XKR4: variants seen among roughly 807,000 people sequenced by gnomAD.
XKR4 encodes the protein XK-related protein 4.
A neutral mutation model predicts 53.9 loss-of-function variants in XKR4; 12 were observed. The observed-to-expected ratio is 0.22, with a 90% confidence interval of 0.14 to 0.36. The LOEUF is 0.36. XKR4 is among the 10% of genes least tolerant of loss of function. The pLI, the probability that XKR4 is intolerant of heterozygous loss-of-function variation, is 1.00. For synonymous variants in XKR4, 354 were observed against 362.4 expected (o/e 0.98, Z 0.26); for missense variants, 799 against 859.5 (o/e 0.93, Z 0.88).
chr8:55,111,338 A>G (rs1243040492), intron 1 of XKR4, among the ~76,000 whole-genome samples: 3 of 152,122 alleles, frequency 2.0e-5, no homozygotes, highest in Non-Finnish European at 4.4e-5. Context: ...TAAAGTTCTG[A>G]TTCTGCTCTT....
chr8:55,112,012 G>A (rs1377385696), intron 1 of XKR4, among the ~76,000 whole-genome samples: 1 of 152,170 alleles, frequency 6.6e-6, no homozygotes, highest in Non-Finnish European at 1.5e-5. Flanking sequence ...AGCCTTCCCT[G>A]AGAACTCCCT....
intron 2 of XKR4, among the ~76,000 whole-genome samples, chr8:55,373,357 G>A (rs1183631249): frequency 1.3e-5 from 2 of 152,056 alleles, no homozygotes; most frequent in African/African-American, 2.4e-5. Context: ...AGTAGAGATG[G>A]GGTTTCACCA....
Position 55,345,705 on chromosome 8 carries a change from G to T in XKR4, c.807-11973G>T, listed in dbSNP as rs917170285. Among the ~76,000 whole-genome samples the T allele has an allele frequency of 4.5e-4, 68 of 152,312 alleles. 1 individual carries two copies. Among genetic ancestry groups the T allele is most frequent in the African/African-American group, 1.6e-3 (65 of 41,570 alleles). On this transcript the variant is annotated intron_variant, in intron 1 of 2. Transcript: ENST00000327381. ...ATGTTCGTAACATCAGCATGAGCGG[G>T]ACATTACATGCACACTCATTGCTTT...
chr8:55,338,106 T>G (rs1012240156), intron 1 of XKR4, among the ~76,000 whole-genome samples: 13 of 152,204 alleles, frequency 8.5e-5, no homozygotes, highest in Non-Finnish European at 4.4e-5. Flanking sequence ...TCAGGCATTG[T>G]GAAAAGGGAA....
chr8:55,399,281 A>G (rs1804564141), intron 2 of XKR4, among the ~76,000 whole-genome samples: 1 of 152,196 alleles, frequency 6.6e-6, no homozygotes, highest in Non-Finnish European at 1.5e-5. Flanking sequence ...TGTACAGAAG[A>G]TGAATGTCTG....
intron 1 of XKR4, among the ~76,000 whole-genome samples, chr8:55,182,340 G>A (rs1167165667): frequency 2.0e-5 from 3 of 151,670 alleles, no homozygotes; most frequent in Non-Finnish European, 4.4e-5. Context: ...TTACACTTTG[G>A]TGCATTTCTT....
chr8:55,230,256 A>G (rs1476556577), intron 1 of XKR4, among the ~76,000 whole-genome samples: 1 of 152,216 alleles, frequency 6.6e-6, no homozygotes, highest in East Asian at 1.9e-4. Flanking sequence ...TAGAAAAAAA[A>G]TCAAAACTAG....
At chr8:55,376,713 T>C (rs1193694164) in intron 2 of XKR4, among the ~76,000 whole-genome samples, 2 of 152,176 alleles carry the variant, frequency 1.3e-5, no homozygotes, top group African/African-American at 4.8e-5. Context: ...GTATCATATG[T>C]GTGGAGATAT....
chr8:55,236,197 G>A (rs950134109), intron 1 of XKR4, among the ~76,000 whole-genome samples: 2 of 152,182 alleles, frequency 1.3e-5, no homozygotes, highest in Admixed American at 1.3e-4. Flanking sequence ...GGGAGCCAAA[G>A]AAGCCCAGAT....
chr8:55,318,989 C>T (rs1308576183), intron 1 of XKR4, among the ~76,000 whole-genome samples: 2 of 152,164 alleles, frequency 1.3e-5, no homozygotes, highest in Non-Finnish European at 2.9e-5. Flanking sequence ...TACCTATTGT[C>T]AAAGCAAAAG....
Position 55,535,789 on chromosome 8 carries a change from G to A in XKR4, c.*11562G>A, listed in dbSNP as rs1563376029. 1.3e-5 allele frequency: 2 copies of A among 152,210 alleles called. No homozygotes were observed. Among genetic ancestry groups the A allele is most frequent in the Admixed American group, 6.5e-5 (1 of 15,282 alleles). 9.4% of individuals were successfully genotyped at this position (152,210 alleles called of 1,614,324 possible). Reference sequence around the variant, plus strand: ...CAACAGACATGTCCACTTTGGAAAGGCTAGGGCCTGACGAAAGTGGGAAAA... The same window carrying A: ...CAACAGACATGTCCACTTTGGAAAGACTAGGGCCTGACGAAAGTGGGAAAA... On this transcript the variant is annotated 3_prime_UTR_variant, in exon 3 of 3. Transcript: ENST00000327381.
chr8:55,284,121 G>C (rs1037000405), intron 1 of XKR4, among the ~76,000 whole-genome samples: 1 of 152,090 alleles, frequency 6.6e-6, no homozygotes, highest in African/African-American at 2.4e-5. Flanking sequence ...AGACACAGAG[G>C]CTTGATTTAT....
intron 1 of XKR4, among the ~76,000 whole-genome samples, chr8:55,141,222 C>T (rs1355313300): frequency 3.3e-5 from 5 of 152,188 alleles, no homozygotes; most frequent in Admixed American, 2.6e-4. Flanking sequence ...GCACTGGGAC[C>T]GCCCTGCCTA....
chr8:55,119,286 A>C (rs1816357779), intron 1 of XKR4, among the ~76,000 whole-genome samples: 1 of 152,144 alleles, frequency 6.6e-6, no homozygotes, highest in Non-Finnish European at 1.5e-5. Context: ...AGTCCCTCCC[A>C]GAAGAGACTC....
chr8:55,171,860 C>G (rs1424877181), intron 1 of XKR4, among the ~76,000 whole-genome samples: 2 of 152,156 alleles, frequency 1.3e-5, no homozygotes, highest in African/African-American at 2.4e-5. Context: ...CGTCCATCAC[C>G]TGCACTATGG....
chr8:55,149,548 A>C (rs1284329201), intron 1 of XKR4, among the ~76,000 whole-genome samples: 2 of 152,220 alleles, frequency 1.3e-5, no homozygotes, highest in Non-Finnish European at 2.9e-5. Flanking sequence ...CATAATGTTC[A>C]TCAGAGTTTC....
At chr8:55,273,909 C>A (rs1181109886) in intron 1 of XKR4, among the ~76,000 whole-genome samples, 1 of 152,108 alleles carries the variant, frequency 6.6e-6, no homozygotes, top group Non-Finnish European at 1.5e-5. Context: ...CAAGGTGAAC[C>A]CCTTGGGTGG....
chr8:55,155,971 CA>C (rs892291247), intron 1 of XKR4, among the ~76,000 whole-genome samples: 2 of 152,094 alleles, frequency 1.3e-5, no homozygotes, highest in African/African-American at 2.4e-5. Flanking sequence ...AACTCACACA[CA>C]AAAAAATATC....
intron 1 of XKR4, among the ~76,000 whole-genome samples, chr8:55,336,041 C>CAAAAAAAAAAAAAAA (rs34885296): frequency 2.6e-5 from 3 of 113,680 alleles, no homozygotes; most frequent in Non-Finnish European, 3.6e-5. Context: ...AACTCTATAC[C>CAAAAAAAAAAAAAAA]AAAAAAAAAA....
Sources: gnomAD v4.1 joint callset for allele counts (sites outside exome capture counted in the v4.1 genomes callset) on GRCh38, gnomAD v4.1.1 for gene constraint, MANE v1.5 for transcripts, NCBI Gene and HGNC (gene_info 2026-07-23, HGNC 2026-07-21) for gene names.